The following IL15 variants were observed in gnomAD, a reference collection of about 807,000 sequenced individuals.
The protein encoded by IL15 is interleukin 15, also known as interleukin-15.
In IL15, 11 loss-of-function variants were observed where a neutral mutation model predicts 19.6. The observed-to-expected ratio is 0.56, with a 90% CI of 0.35 to 0.93. IL15 has a LOEUF of 0.93. Among genes scored for constraint, IL15 ranks in the 40% least tolerant of loss-of-function variants. The pLI, the probability that IL15 is intolerant of heterozygous loss-of-function variation, is 0.01. For synonymous variants in IL15, 58 were observed against 59.6 expected (o/e 0.97, Z 0.12); for missense variants, 197 against 186.5 (o/e 1.06, Z -0.33).
At chr4:141,645,440 G>T (rs866272831) in intron 1 of IL15, among the ~76,000 whole-genome samples, 1 of 152,134 alleles carries the variant, frequency 6.6e-6, no homozygotes, top group Non-Finnish European at 1.5e-5. Flanking sequence ...ATTTCTTGGA[G>T]AATCTTTTGC....
intron 2 of IL15, among the ~76,000 whole-genome samples, chr4:141,687,815 G>A (rs571640883): frequency 6.6e-6 from 1 of 152,230 alleles, no homozygotes; most frequent in East Asian, 1.9e-4. Context: ...TTTGAAATGA[G>A]TTGTGATAGA....
At position 141,728,070 on chromosome 4, in the gene IL15, G is replaced by GTTT. The variant is rs1730328162; in HGVS notation, c.240+88_240+90dup. The GTTT allele has an allele frequency of 7.4e-6, 5 of 673,020 alleles. No homozygotes were observed. The South Asian group carries it at 9.1e-5, about 12-fold the overall frequency. 41.7% of individuals were successfully genotyped at this position (673,020 alleles called of 1,614,324 possible). ...TTTTTGTAACAACTAAAATATGGTA[G>GTTT]TTTTAAAATCTAACTTTTGGTGTGT... is the stretch of plus-strand genomic sequence containing the variant. On this transcript the variant is annotated intron_variant, in intron 6 of 7. Coordinates refer to ENST00000320650, the MANE Select transcript of IL15 (RefSeq NM_000585.5).
intron 2 of IL15, among the ~76,000 whole-genome samples, chr4:141,694,053 A>G (rs1729011925): frequency 6.6e-6 from 1 of 152,218 alleles, no homozygotes; most frequent in African/African-American, 2.4e-5. Context: ...AAGTTTAAAA[A>G]GGCAAGTATT....
At chr4:141,666,531 G>T (rs1212714464) in intron 2 of IL15, among the ~76,000 whole-genome samples, 1 of 151,790 alleles carries the variant, frequency 6.6e-6, no homozygotes, top group South Asian at 2.1e-4. Context: ...AATTTTTTGT[G>T]TTCTTTTGTA....
At chr4:141,655,669 A>G (rs533377095) in intron 1 of IL15, among the ~76,000 whole-genome samples, 127 of 152,250 alleles carry the variant, frequency 8.3e-4, no homozygotes, top group Non-Finnish European at 1.4e-3. Flanking sequence ...CCATATTTAT[A>G]CCCCCGAATC....
intron 5 of IL15, 131 bp downstream of exon 5, chr4:141,722,139 TA>T: frequency 8.3e-7 from 1 of 1,201,182 alleles, no homozygotes; most frequent in Non-Finnish European, 1.1e-6. Context: ...TATGATCTTA[TA>T]AAGCTCAAAA....
intron 2 of IL15, among the ~76,000 whole-genome samples, chr4:141,702,906 A>T (rs1579035061): frequency 6.6e-6 from 1 of 151,360 alleles, no homozygotes; most frequent in South Asian, 2.1e-4. Context: ...CTGAGCTCAG[A>T]CTCCCCTTGG....
At chr4:141,728,576 C>A (rs1255553484) in intron 6 of IL15, among the ~76,000 whole-genome samples, 1 of 152,108 alleles carries the variant, frequency 6.6e-6, no homozygotes, top group African/African-American at 2.4e-5. Context: ...GGTGGTGGTT[C>A]TTCCCTTCAG....
chr4:141,728,018 C>T (rs759758645), intron 6 of IL15, 34 bp downstream of exon 6: 43 of 1,021,026 alleles, frequency 4.2e-5, no homozygotes, highest in Non-Finnish European at 5.9e-5. Flanking sequence ...TGCTATTTGT[C>T]TTGTTATTAA....
At chr4:141,698,902 T>G (rs1292847083) in intron 2 of IL15, among the ~76,000 whole-genome samples, 1 of 152,156 alleles carries the variant, frequency 6.6e-6, no homozygotes, top group African/African-American at 2.4e-5. Flanking sequence ...TCTCTTAAGT[T>G]CCTTGAGGTG....
intron 2 of IL15, among the ~76,000 whole-genome samples, chr4:141,680,913 T>C (rs1289784118): frequency 6.6e-6 from 1 of 152,218 alleles, no homozygotes; most frequent in Non-Finnish European, 1.5e-5. Context: ...AAATATTAAT[T>C]ATACATTTTG....
intron 1 of IL15, among the ~76,000 whole-genome samples, chr4:141,652,563 T>C (rs964837214): frequency 1.3e-5 from 2 of 152,032 alleles, no homozygotes; most frequent in African/African-American, 4.8e-5. Flanking sequence ...AACAAGACGT[T>C]TGGGACTGCT....
intron 2 of IL15, among the ~76,000 whole-genome samples, chr4:141,682,974 A>G (rs948274001): frequency 1.3e-5 from 2 of 151,870 alleles, no homozygotes; most frequent in Admixed American, 1.3e-4. Context: ...AAACAAACAA[A>G]CAAAAAACAA....
intron 2 of IL15, chr4:141,718,943 C>A (rs1053649913): frequency 6.6e-6 from 1 of 152,156 alleles, no homozygotes; most frequent in Non-Finnish European, 1.5e-5. Flanking sequence ...ACAATGGTTT[C>A]TTTAAAAGAC....
intron 7 of IL15, 26 bp downstream of exon 7, chr4:141,730,010 G>C: frequency 6.3e-7 from 1 of 1,579,484 alleles, no homozygotes. Flanking sequence ...GTTGCTTAGA[G>C]TTGCATCTTA....
At chr4:141,666,231 G>T (rs1189181154) in intron 2 of IL15, among the ~76,000 whole-genome samples, 1 of 152,096 alleles carries the variant, frequency 6.6e-6, no homozygotes, top group African/African-American at 2.4e-5. Flanking sequence ...CTCCCGAGTA[G>T]CTGGGACTAC....
Position 141,664,699 on chromosome 4 carries a change from C to A in IL15, c.-100+8392C>A, listed in dbSNP as rs74329946. On this transcript the variant is annotated intron_variant, in intron 2 of 7. Transcript: ENST00000320650. ...AAGTATATATTTCTAAATTTGCTTG[C>A]GTTTTATAAAGAAACTTTCAAGGAA... Among the ~76,000 whole-genome samples, 99 of 152,084 alleles carry A rather than the reference C, an allele frequency of 6.5e-4. 1 individual carries two copies. In the East Asian group the frequency reaches 0.018, roughly 28 times the overall value.
chr4:141,723,186 AG>A (rs945097155), intron 5 of IL15, among the ~76,000 whole-genome samples: 4 of 152,226 alleles, frequency 2.6e-5, no homozygotes, highest in Admixed American at 6.5e-5. Context: ...AAAAAGATAT[AG>A]CATACTATAA....
intron 2 of IL15, among the ~76,000 whole-genome samples, chr4:141,703,780 G>C (rs2322300): frequency 0.49 from 72,037 of 148,430 alleles, 17,347 homozygotes; most frequent in South Asian, 0.6. Context: ...CACTTCCTTG[G>C]TTAAGTTTAT....
Sources: allele counts gnomAD v4.1 joint callset (sites outside exome capture counted in the v4.1 genomes callset), GRCh38; gene constraint gnomAD v4.1.1; transcripts MANE v1.5; gene names NCBI Gene and HGNC (gene_info 2026-07-23, HGNC 2026-07-21).